The following DGKB variants were observed in gnomAD, a reference collection of about 807,000 sequenced individuals.
DGKB encodes the protein diacylglycerol kinase beta.
In DGKB, 67 loss-of-function variants were observed where a neutral mutation model predicts 114.3. That is an observed-to-expected ratio of 0.59 (90% confidence interval 0.48 to 0.72). The LOEUF is 0.72. Ranked by LOEUF, DGKB falls within the 30% of genes least tolerant of loss-of-function variation. The pLI, the probability that DGKB is intolerant of heterozygous loss-of-function variation, is 0.00. For synonymous variants in DGKB, 398 were observed against 323.1 expected, an observed-to-expected ratio of 1.23 and a Z score of -2.49; for missense variants, 907 against 975.2, an observed-to-expected ratio of 0.93 and a Z score of 0.93.
intron 25 of DGKB, chr7:14,176,446 T>C: frequency 1.0e-6 from 1 of 988,728 alleles, no homozygotes; most frequent in South Asian, 4.7e-5. Flanking sequence ...AGCTGAGAAA[T>C]AAGTTCACAT....
chr7:14,883,418 A>T (rs978970686), intron 1 of DGKB, among the ~76,000 whole-genome samples: 1 of 151,976 alleles, frequency 6.6e-6, no homozygotes, highest in African/African-American at 2.4e-5. Context: ...GTGAAACACA[A>T]ACAAATGCAC....
chr7:14,596,241 C>T (rs1482485729), intron 17 of DGKB, among the ~76,000 whole-genome samples: 1 of 152,220 alleles, frequency 6.6e-6, no homozygotes, highest in South Asian at 2.1e-4. Context: ...ATTGTTTATA[C>T]TGCATTGTTA....
chr7:14,431,906 T>A (rs1411681253), intron 21 of DGKB, among the ~76,000 whole-genome samples: 2 of 152,156 alleles, frequency 1.3e-5, no homozygotes, highest in East Asian at 3.9e-4. Context: ...CATGTCCTTA[T>A]TATAATCTTC....
intron 21 of DGKB, among the ~76,000 whole-genome samples, chr7:14,457,166 G>A (rs1408686271): frequency 1.3e-5 from 2 of 152,070 alleles, no homozygotes; most frequent in African/African-American, 2.4e-5. Flanking sequence ...AAAGTATGCC[G>A]CATGTTAAAA....
chr7:14,524,550 G>A (rs1052391410), intron 20 of DGKB, among the ~76,000 whole-genome samples: 3 of 152,166 alleles, frequency 2.0e-5, no homozygotes, highest in African/African-American at 7.2e-5. Flanking sequence ...GAGGTCAGGA[G>A]TTTGAGACCA....
chr7:14,477,730 A>C (rs1183459826), intron 21 of DGKB, among the ~76,000 whole-genome samples: 1 of 152,092 alleles, frequency 6.6e-6, no homozygotes, highest in Non-Finnish European at 1.5e-5. Flanking sequence ...ATTTCTTTTG[A>C]TTTAGTTTAG....
At chr7:14,436,116 A>T (rs1239092835) in intron 21 of DGKB, among the ~76,000 whole-genome samples, 1 of 152,120 alleles carries the variant, frequency 6.6e-6, no homozygotes, top group African/African-American at 2.4e-5. Context: ...TGATTATGCC[A>T]GATAAAAAAA....
chr7:14,939,910 G>C (rs1785480077), intron 1 of DGKB, among the ~76,000 whole-genome samples: 1 of 152,038 alleles, frequency 6.6e-6, no homozygotes, highest in African/African-American at 2.4e-5. Flanking sequence ...ACCACACCCA[G>C]CCAATTCATA....
rs550539920 is a variant in DGKB, at chr7:14,284,917, C to G, written c.2122+53598G>C. On this transcript the variant is annotated intron_variant, in intron 23 of 25. Transcript: ENST00000402815. Reference sequence around the variant, plus strand: ...GGGAGATATACCTAATGCTAGATGACGAGTTAGTGGGTGAAGCACACCAGC... The same window carrying G: ...GGGAGATATACCTAATGCTAGATGAGGAGTTAGTGGGTGAAGCACACCAGC... Among the ~76,000 whole-genome samples, 5 of 149,814 alleles carry G rather than the reference C, an allele frequency of 3.3e-5. No homozygotes were observed. The East Asian group carries it at 8.0e-4, about 24-fold the overall frequency.
intron 23 of DGKB, among the ~76,000 whole-genome samples, chr7:14,263,302 T>A (rs144024487): frequency 6.6e-6 from 1 of 152,174 alleles, no homozygotes; most frequent in Non-Finnish European, 1.5e-5. Context: ...AGGCTAGTAT[T>A]TCTAATACAC....
chr7:14,669,571 T>C (rs1431924091), intron 13 of DGKB, among the ~76,000 whole-genome samples: 1 of 152,224 alleles, frequency 6.6e-6, no homozygotes, highest in African/African-American at 2.4e-5. Context: ...TTTCTCTGCT[T>C]TAATTTTTCC....
At chr7:14,896,467 CAATA>C (rs143041857) in intron 1 of DGKB, among the ~76,000 whole-genome samples, 1,930 of 151,408 alleles carry the variant, frequency 0.013, 32 homozygotes, top group African/African-American at 0.044. Flanking sequence ...TTTGTAGCCT[CAATA>C]AATATTTTAT....
At chr7:14,671,101 A>G (rs1818887139) in intron 13 of DGKB, among the ~76,000 whole-genome samples, 1 of 152,180 alleles carries the variant, frequency 6.6e-6, no homozygotes, top group Non-Finnish European at 1.5e-5. Flanking sequence ...AATGAGCTGA[A>G]CATAAATTAA....
intron 23 of DGKB, among the ~76,000 whole-genome samples, chr7:14,337,366 T>C (rs1211620405): frequency 6.6e-6 from 1 of 152,168 alleles, no homozygotes; most frequent in East Asian, 1.9e-4. Context: ...GTTATAAACA[T>C]GCTTGTACTA....
intron 20 of DGKB, among the ~76,000 whole-genome samples, chr7:14,507,628 G>T (rs947228187): frequency 6.6e-6 from 1 of 152,030 alleles, no homozygotes; most frequent in Non-Finnish European, 1.5e-5. Flanking sequence ...TTTCTTTTCA[G>T]GTATCCAGGG....
At chr7:14,267,588 A>G (rs564690435) in intron 23 of DGKB, among the ~76,000 whole-genome samples, 26 of 151,350 alleles carry the variant, frequency 1.7e-4, no homozygotes, top group Non-Finnish European at 3.7e-4. Context: ...TCCTGGGTTC[A>G]TGACATTCTC....
At position 14,146,513 on chromosome 7, in the gene DGKB, T is replaced by C. The variant is rs1781492666; in HGVS notation, c.*2618A>G. 6.6e-6 allele frequency: 1 copy of C among 152,174 alleles called. No individual in the cohort carries two copies. The highest frequency in any genetic ancestry group is 2.1e-4 in the South Asian group (1 of 4,828). The allele number at this position is 152,174 out of a possible 1,614,324, so 9.4% of individuals were successfully genotyped here. ...TTTCCATCTTGTAAAGCTAACAACA[T>C]TCATCATTCAATATTTTAATATACT... On this transcript the variant is annotated 3_prime_UTR_variant, in exon 26 of 26. Coordinates refer to ENST00000402815, the MANE Select transcript of DGKB (RefSeq NM_001350709.2).
chr7:14,742,916 A>C (rs535148935), intron 4 of DGKB, among the ~76,000 whole-genome samples: 1 of 152,278 alleles, frequency 6.6e-6, no homozygotes, highest in South Asian at 2.1e-4. Context: ...GGTCAAGCTA[A>C]AGGTTTAAAT....
intron 1 of DGKB, among the ~76,000 whole-genome samples, chr7:14,926,932 G>A (rs892871123): frequency 6.6e-6 from 1 of 151,934 alleles, no homozygotes; most frequent in Non-Finnish European, 1.5e-5. Context: ...TGGTTGGAAG[G>A]GTTCTGGTGA....
Sources: gnomAD v4.1 joint callset for allele counts (sites outside exome capture counted in the v4.1 genomes callset) on GRCh38, gnomAD v4.1.1 for gene constraint, MANE v1.5 for transcripts, NCBI Gene and HGNC (gene_info 2026-07-23, HGNC 2026-07-21) for gene names.